The following SSTR3 variants were observed in gnomAD, a reference collection of about 807,000 sequenced individuals.
The protein encoded by SSTR3 is somatostatin receptor type 3.
For synonymous variants in SSTR3, 281 were observed against 269.2 expected (o/e 1.04, Z -0.43); for missense variants, 504 against 604.7 (o/e 0.83, Z 1.75).
upstream of SSTR3, among the ~76,000 whole-genome samples, chr22:37,215,449 G>A (rs547680087): frequency 1.1e-4 from 16 of 152,192 alleles, no homozygotes; most frequent in Admixed American, 7.8e-4. Context: ...GCAGTGGTGC[G>A]ATCTTGGCTC....
chr22:37,206,406 C>G lies in SSTR3; in HGVS notation c.*141G>C. The stretch of plus-strand genomic sequence containing the variant: ...TAGAAGCAACCTACCCAAGGTCACA[C>G]AGCAAGACCTGGCAGCAATAGCATC... On this transcript the variant is annotated 3_prime_UTR_variant, in exon 2 of 2. Coordinates refer to ENST00000610913, the MANE Select transcript of SSTR3 (RefSeq NM_001051.5). 7.3e-7 allele frequency: 1 copy of G among 1,363,638 alleles called. No homozygotes were observed. The highest frequency in any genetic ancestry group is 9.7e-7 in the Non-Finnish European group (1 of 1,030,132). The allele number at this position is 1,363,638 out of a possible 1,614,324, so 84.5% of individuals were successfully genotyped here. A position where few individuals can be genotyped will look rare whatever the true frequency, so the allele number is the denominator to read the frequency against.
chr22:37,220,125 C>T, the SSTR3 span, among the ~76,000 whole-genome samples: 1 of 152,114 alleles, frequency 6.6e-6, no homozygotes, highest in East Asian at 1.9e-4. Flanking sequence ...CAATTATAAA[C>T]AGTGATGAAG....
intron 1 of SSTR3, among the ~76,000 whole-genome samples, chr22:37,211,201 A>G (rs557668412): frequency 2.0e-5 from 3 of 152,206 alleles, no homozygotes; most frequent in Admixed American, 6.5e-5. Flanking sequence ...GTGCAGGGCG[A>G]TGGCCCCTGG....
rs751306573 is a variant in SSTR3, at chr22:37,207,636, C to A, written c.168G>T (p.Val56=). The A allele has an allele frequency of 4.4e-6, 7 of 1,600,368 alleles. No individual in the cohort carries two copies. The East Asian group carries it at 1.6e-4, about 36-fold the overall frequency. The change falls in exon 2 of 2, where the codon GTG becomes GTT. Residue 56 remains valine, a synonymous_variant. Transcript: ENST00000610913. The part of the protein sequence containing the change: ...LIPLVYLVVC[V]VGLLGNSLVI... ...CCAGCGAGTTACCCAGCAGGCCCAC[C>A]ACGCACACCACCAGGTAGACCAGGG... is the stretch of plus-strand genomic sequence containing the variant.
Position 37,206,537 on chromosome 22 carries a change from C to T in SSTR3, c.*10G>A. 3 of 1,591,982 alleles carry T rather than the reference C, an allele frequency of 1.9e-6. No homozygotes were observed. The highest frequency in any genetic ancestry group is 2.6e-6 in the Non-Finnish European group (3 of 1,167,586). On this transcript the variant is annotated 3_prime_UTR_variant, in exon 2 of 2. Transcript: ENST00000610913. ...CTCTTCCTCGGGCCATCCTGGCTTT[C>T]CCCAGGCCCCTACAGGTAGCTGATG...
upstream of SSTR3, among the ~76,000 whole-genome samples, chr22:37,216,589 G>T (rs1055602356): frequency 1.3e-5 from 2 of 152,186 alleles, no homozygotes; most frequent in Admixed American, 1.3e-4. Context: ...CAGCCTCAGG[G>T]ACGATTTCGT....
chr22:37,217,848 C>T, the SSTR3 span, among the ~76,000 whole-genome samples: 1 of 152,212 alleles, frequency 6.6e-6, no homozygotes, highest in South Asian at 2.1e-4. Context: ...GGATTACAGG[C>T]ACATGCCACC....
Position 37,204,814 on chromosome 22 carries a change from C to T in SSTR3, c.*1733G>A, listed in dbSNP as rs909492809. Reference sequence around the variant, plus strand: ...ATTTGTTGATGGGGAAATTGAGGCCCGGAAGGCCAATGCCAGCCCAGGACC... The same window carrying T: ...ATTTGTTGATGGGGAAATTGAGGCCTGGAAGGCCAATGCCAGCCCAGGACC... On this transcript the variant is annotated 3_prime_UTR_variant, in exon 2 of 2. Coordinates refer to ENST00000610913, the MANE Select transcript of SSTR3 (RefSeq NM_001051.5). The T allele has an allele frequency of 1.3e-5, 2 of 152,244 alleles. No homozygotes were observed. The highest frequency in any genetic ancestry group is 4.8e-5 in the African/African-American group (2 of 41,450). The allele number at this position is 152,244 out of a possible 1,614,324, so 9.4% of individuals were successfully genotyped here.
chr22:37,213,159 T>C (rs188180397), upstream of SSTR3, among the ~76,000 whole-genome samples: 159 of 152,322 alleles, frequency 1.0e-3, 1 homozygote, highest in Middle Eastern at 3.4e-3. Context: ...GTAAAAACCA[T>C]TCTCAGCTCC....
Position 37,205,747 on chromosome 22 carries a change from C to T in SSTR3, c.*800G>A, listed in dbSNP as rs1265508869. 6.6e-6 allele frequency: 1 copy of T among 152,296 alleles called. No homozygotes were observed. Among genetic ancestry groups the T allele is most frequent in the Non-Finnish European group, 1.5e-5 (1 of 68,096 alleles). The allele number at this position is 152,296 out of a possible 1,614,324, so 9.4% of individuals were successfully genotyped here. On this transcript the variant is annotated 3_prime_UTR_variant, in exon 2 of 2. Transcript: ENST00000610913. ...TGACCTCAGCAGGGGCAGAGCCAGG[C>T]TTTGGGTGGCCTAAGCTTATGCAGT...
In SSTR3 at chr22:37,206,924, G is replaced by A. The variant is rs781015807; in HGVS notation, c.880C>T (p.Leu294Phe). Residue 294 changes from leucine to phenylalanine, a missense_variant, in exon 2 of 2, where the codon CTC becomes TTC. Transcript: ENST00000610913. ...GGCAGCGCCACCACCAGGAAGTAGA[G>A]CCCAAAGAAGGCAGGCTCCTCGGGC... ...PLPEEPAFFG[L>F]YFLVVALPYA... The A allele has an allele frequency of 1.9e-6, 3 of 1,613,404 alleles. No individual in the cohort carries two copies. The highest frequency in any genetic ancestry group is 2.5e-6 in the Non-Finnish European group (3 of 1,180,022).
chr22:37,207,744 C>G lies in SSTR3; in HGVS notation c.60G>C (p.Ser20=). The G allele has an allele frequency of 6.6e-7, 1 of 1,522,332 alleles. No individual in the cohort carries two copies. Among genetic ancestry groups the G allele is most frequent in the Non-Finnish European group, 8.8e-7 (1 of 1,134,926 alleles). 94.3% of individuals were successfully genotyped at this position (1,522,332 alleles called of 1,614,324 possible). ...CCAGGGTGGCATCTGGGGGCCAGGCCGAGGAGGCATTCTCAGGTTCTGAGG... is the reference window on the plus strand; with the variant it reads ...CCAGGGTGGCATCTGGGGGCCAGGCGGAGGAGGCATTCTCAGGTTCTGAGG... ...STTSEPENAS[S]AWPPDATLGN... is the part of the protein sequence containing the mutation. Residue 20 remains serine, a synonymous_variant, in exon 2 of 2, where the codon TCG becomes TCC. Transcript: ENST00000610913.
the SSTR3 span, among the ~76,000 whole-genome samples, chr22:37,218,463 G>C: frequency 6.6e-6 from 1 of 152,288 alleles, no homozygotes; most frequent in African/African-American, 2.4e-5. Context: ...GCTGAGGCAG[G>C]AGAATCGCTT....
chr22:37,214,524 G>A (rs568059251), upstream of SSTR3, among the ~76,000 whole-genome samples: 3 of 152,132 alleles, frequency 2.0e-5, no homozygotes, highest in Middle Eastern at 3.4e-3. Flanking sequence ...GGCGGGAGGC[G>A]GGGGGGCTCC....
At chr22:37,214,847 C>T (rs760172780), upstream of SSTR3, among the ~76,000 whole-genome samples, 4 of 152,138 alleles carry the variant, frequency 2.6e-5, no homozygotes, top group African/African-American at 7.2e-5. Flanking sequence ...CCTGCGCTTC[C>T]GCCACTCGGC....
Position 37,206,774 on chromosome 22 carries a change from G to T in SSTR3, c.1030C>A (p.Pro344Thr), listed in dbSNP as rs1299901450. 2 of 1,610,674 alleles carry T rather than the reference G, an allele frequency of 1.2e-6. No individual in the cohort carries two copies. The highest frequency in any genetic ancestry group is 1.7e-5 in the Admixed American group (1 of 59,994). Residue 344 changes from proline to threonine, a missense_variant, in exon 2 of 2, where the codon CCC (proline) becomes ACC (threonine). Coordinates refer to ENST00000610913, the MANE Select transcript of SSTR3 (RefSeq NM_001051.5). The stretch of plus-strand genomic sequence containing the variant: ...TCCTCCTCCTCAGTCTTCTCCGGGG[G>T]CCCCACAGTGGGCTCCTGGCTGCGC... Reference protein sequence around the residue: ...RVRSQEPTVGPPEKTEEEDEE... With the variant: ...RVRSQEPTVGTPEKTEEEDEE...
At chr22:37,209,217 C>A (rs1926042639) in intron 1 of SSTR3, among the ~76,000 whole-genome samples, 2 of 152,226 alleles carry the variant, frequency 1.3e-5, no homozygotes, top group Non-Finnish European at 2.9e-5. Flanking sequence ...ATGTGCAAAG[C>A]TCCTGGGAAG....
At position 37,207,305 on chromosome 22, in the gene SSTR3, CA is replaced by C. The variant is rs1925873576; in HGVS notation, c.498del (p.Val167CysfsTer22). ...ACCACCACGGCTGAGGCCACCCACA[CA>C]GCCGCGCTGACCGTGCGGGCCACCG... is the stretch of plus-strand genomic sequence containing the variant. ...TAPVARTVSA[A>X]VWVASAVVVL... On this transcript the variant is annotated frameshift_variant, in exon 2 of 2. Coordinates refer to ENST00000610913, the MANE Select transcript of SSTR3 (RefSeq NM_001051.5). LOFTEE classifies it low-confidence loss of function (END_TRUNC). 6.3e-7 allele frequency: 1 copy of C among 1,593,734 alleles called. No homozygotes were observed. Among genetic ancestry groups the C allele is most frequent in the Non-Finnish European group, 8.6e-7 (1 of 1,169,456 alleles).
chr22:37,216,559 A>G (rs2145812424), upstream of SSTR3, among the ~76,000 whole-genome samples: 1 of 152,370 alleles, frequency 6.6e-6, no homozygotes, highest in South Asian at 2.1e-4. Context: ...TAAAAACCAC[A>G]CAGTGGAGTT....
Sources: allele counts gnomAD v4.1 joint callset (sites outside exome capture counted in the v4.1 genomes callset), GRCh38; gene constraint gnomAD v4.1.1; transcripts MANE v1.5; gene names NCBI Gene and HGNC (gene_info 2026-07-23, HGNC 2026-07-21).